The following GMCL1 variants were observed in gnomAD, a reference collection of about 807,000 sequenced individuals.
The protein encoded by GMCL1 is germ cell-less 1, spermatogenesis associated.
Under a neutral mutation model 75.5 loss-of-function variants are expected in GMCL1, and 54 were observed. The observed-to-expected ratio is 0.71, with a 90% CI of 0.57 to 0.90. The LOEUF is 0.90. GMCL1 is among the 40% of genes least tolerant of loss of function. The pLI is 0.00. For missense variants in GMCL1, 537 were observed against 622.7 expected, an observed-to-expected ratio of 0.86 and a Z score of 1.47; for synonymous variants, 210 against 209.6, an observed-to-expected ratio of 1.00 and a Z score of -0.02.
intron 8 of GMCL1, among the ~76,000 whole-genome samples, chr2:69,854,521 T>C (rs892470119): frequency 1.3e-5 from 2 of 152,176 alleles, no homozygotes; most frequent in Admixed American, 6.5e-5. Context: ...TGTGTAATCC[T>C]AAGTACCTTT....
chr2:69,841,531 A>G (rs1674986211), intron 4 of GMCL1, among the ~76,000 whole-genome samples: 1 of 152,222 alleles, frequency 6.6e-6, no homozygotes. Flanking sequence ...CACTGTGTCA[A>G]ACTAGACACA....
chr2:69,830,055 A>T lies in GMCL1; in HGVS notation c.163A>T (p.Ser55Cys). Residue 55 changes from serine (S) to cysteine (C), a missense_variant, in exon 1 of 14, where the codon AGC (serine) becomes TGC (cysteine). Coordinates refer to ENST00000282570, the MANE Select transcript of GMCL1 (RefSeq NM_178439.5). The part of the protein sequence containing the change: ...YCAGSHKRKR[S>C]SGSFCYCHPD... ...TGCGGGCAGCCACAAGCGCAAGCGG[A>T]GCAGCGGGTCCTTCTGCTACTGTCA... 1 of 1,567,908 alleles carries T rather than the reference A, an allele frequency of 6.4e-7. No homozygotes were observed. Among genetic ancestry groups the T allele is most frequent in the Non-Finnish European group, 8.7e-7 (1 of 1,155,852 alleles).
At chr2:69,843,751 A>G (rs1675051387) in intron 5 of GMCL1, among the ~76,000 whole-genome samples, 1 of 152,182 alleles carries the variant, frequency 6.6e-6, no homozygotes, top group Non-Finnish European at 1.5e-5. Flanking sequence ...TGATCATGCC[A>G]CTGCACTTTA....
intron 11 of GMCL1, among the ~76,000 whole-genome samples, chr2:69,865,308 T>G (rs1675778277): frequency 6.6e-6 from 1 of 152,244 alleles, no homozygotes; most frequent in South Asian, 2.1e-4. Flanking sequence ...ACAGTTGTCC[T>G]AAATCAAAGA....
At chr2:69,852,743 T>C (rs764034964) in intron 8 of GMCL1, among the ~76,000 whole-genome samples, 2 of 152,216 alleles carry the variant, frequency 1.3e-5, no homozygotes, top group Admixed American at 1.3e-4. Flanking sequence ...TTTGCCATGT[T>C]GGCCAGGCTG....
chr2:69,868,566 T>A (rs1202146461), intron 11 of GMCL1, among the ~76,000 whole-genome samples: 1 of 149,988 alleles, frequency 6.7e-6, no homozygotes, highest in African/African-American at 2.5e-5. Flanking sequence ...TTTATTTTTA[T>A]TTTTTTTTAT....
intron 6 of GMCL1, among the ~76,000 whole-genome samples, chr2:69,847,032 C>T (rs1366048926): frequency 1.4e-5 from 2 of 146,446 alleles, no homozygotes; most frequent in African/African-American, 2.5e-5. Context: ...AGCACGAGGT[C>T]TCACCATGTT....
At chr2:69,841,748 C>G (rs1201122760) in intron 4 of GMCL1, among the ~76,000 whole-genome samples, 1 of 152,142 alleles carries the variant, frequency 6.6e-6, no homozygotes, top group Admixed American at 6.5e-5. Context: ...GGTGGTGTCA[C>G]ATACGAAAGT....
intron 10 of GMCL1, among the ~76,000 whole-genome samples, chr2:69,864,195 T>C (rs1279955343): frequency 1.3e-5 from 2 of 152,104 alleles, no homozygotes; most frequent in Admixed American, 6.5e-5. Context: ...TATTTATTTA[T>C]TGTATTTGTT....
chr2:69,844,415 G>A (rs1394641610), intron 6 of GMCL1: 3 of 324,116 alleles, frequency 9.3e-6, no homozygotes, highest in Non-Finnish European at 1.7e-5. Flanking sequence ...TGTTTTAACC[G>A]AAAAATGCAT....
intron 13 of GMCL1, among the ~76,000 whole-genome samples, chr2:69,874,136 G>T (rs1676060141): frequency 6.6e-6 from 1 of 150,930 alleles, no homozygotes; most frequent in South Asian, 2.1e-4. Flanking sequence ...ATATATCTTT[G>T]TCCATTTTTA....
intron 1 of GMCL1, among the ~76,000 whole-genome samples, chr2:69,831,014 G>C (rs1394859096): frequency 6.6e-6 from 1 of 152,142 alleles, no homozygotes; most frequent in African/African-American, 2.4e-5. Context: ...CCACCTCCTG[G>C]TTCAAGCGAT....
intron 6 of GMCL1, chr2:69,844,878 T>A: frequency 2.7e-6 from 1 of 371,090 alleles, no homozygotes; most frequent in Non-Finnish European, 5.8e-6. Flanking sequence ...GTATTCCCAC[T>A]CCTGATGAGA....
intron 11 of GMCL1, 172 bp from the exon 12 acceptor site, chr2:69,869,547 T>C: frequency 1.8e-6 from 1 of 564,724 alleles, no homozygotes; most frequent in Non-Finnish European, 3.1e-6. Flanking sequence ...TTTTCTAGCT[T>C]AGATAAATAG....
At chr2:69,832,602 A>T (rs1674706162) in intron 1 of GMCL1, among the ~76,000 whole-genome samples, 1 of 152,220 alleles carries the variant, frequency 6.6e-6, no homozygotes, top group African/African-American at 2.4e-5. Flanking sequence ...TGTCTGAATG[A>T]TATCTTATTT....
At chr2:69,877,733 T>TGA (rs1432692056) in intron 13 of GMCL1, among the ~76,000 whole-genome samples, 2 of 145,112 alleles carry the variant, frequency 1.4e-5, no homozygotes, top group African/African-American at 2.5e-5. Flanking sequence ...TGTGTGTGTG[T>TGA]GAGACATTTG....
chr2:69,871,611 T>C, intron 12 of GMCL1, 134 bp from the exon 13 acceptor site: 5 of 557,420 alleles, frequency 9.0e-6, no homozygotes, highest in Non-Finnish European at 1.6e-5. Context: ...CAGATTACAG[T>C]TTGAAAAGAC....
intron 6 of GMCL1, among the ~76,000 whole-genome samples, chr2:69,846,164 T>G (rs1488726668): frequency 6.6e-6 from 1 of 152,044 alleles, no homozygotes; most frequent in Non-Finnish European, 1.5e-5. Context: ...TAGAGAAGTG[T>G]GAGAGACTTT....
At chr2:69,861,982 G>A (rs1470079092) in intron 10 of GMCL1, among the ~76,000 whole-genome samples, 1 of 151,728 alleles carries the variant, frequency 6.6e-6, no homozygotes, top group Non-Finnish European at 1.5e-5. Context: ...CAAGCCTGGG[G>A]GATAAAGTGA....
Sources: allele counts gnomAD v4.1 joint callset (sites outside exome capture counted in the v4.1 genomes callset), GRCh38; gene constraint gnomAD v4.1.1; transcripts MANE v1.5; gene names NCBI Gene and HGNC (gene_info 2026-07-23, HGNC 2026-07-21).